Variants in DOCK3 observed in about 807,000 individuals in gnomAD.
DOCK3 encodes the protein dedicator of cytokinesis protein 3.
Under a neutral mutation model 265.6 loss-of-function variants are expected in DOCK3, and 60 were observed. That is an observed-to-expected ratio of 0.23 (90% CI 0.18 to 0.28). The LOEUF (loss-of-function observed/expected upper bound fraction) is 0.28, where lower values mean the gene tolerates loss of function less well. DOCK3 is among the 10% of genes least tolerant of loss of function. The pLI is 1.00. For synonymous variants in DOCK3, 881 were observed against 938.0 expected (o/e 0.94, Z 1.11); for missense variants, 1,981 against 2,594.3 (o/e 0.76, Z 5.14).
intron 1 of DOCK3, 35 bp from the exon 2 acceptor site, chr3:50,778,640 A>T: frequency 1.3e-6 from 2 of 1,508,954 alleles, no homozygotes; most frequent in Non-Finnish European, 1.8e-6. Flanking sequence ...AGTGTTTAAA[A>T]ATGCTAATTG....
At chr3:50,858,432 AT>A (rs1559732317) in intron 3 of DOCK3, among the ~76,000 whole-genome samples, 10 of 121,582 alleles carry the variant, frequency 8.2e-5, no homozygotes, top group Middle Eastern at 3.8e-3. Context: ...TATAATAATA[AT>A]AATAATAATA....
At chr3:51,192,361 A>G (rs1303647001) in intron 12 of DOCK3, among the ~76,000 whole-genome samples, 1 of 151,612 alleles carries the variant, frequency 6.6e-6, no homozygotes, top group Non-Finnish European at 1.5e-5. Context: ...GATCATCACC[A>G]CCCTGATAGC....
intron 27 of DOCK3, among the ~76,000 whole-genome samples, chr3:51,283,504 A>C (rs1367739247): frequency 1.3e-5 from 2 of 152,202 alleles, no homozygotes; most frequent in African/African-American, 4.8e-5. Context: ...AAGGGCTCCA[A>C]AAATGCAGCT....
chr3:50,789,350 A>G (rs2108591248), intron 2 of DOCK3, among the ~76,000 whole-genome samples: 1 of 152,216 alleles, frequency 6.6e-6, no homozygotes, highest in Middle Eastern at 3.4e-3. Flanking sequence ...TACTTGATGT[A>G]ATTTTGGTTT....
At chr3:50,751,446 A>G (rs966130298) in intron 1 of DOCK3, among the ~76,000 whole-genome samples, 1 of 152,068 alleles carries the variant, frequency 6.6e-6, no homozygotes, top group African/African-American at 2.4e-5. Flanking sequence ...GACAGGCCTC[A>G]GTGTGTGATG....
intron 5 of DOCK3, among the ~76,000 whole-genome samples, chr3:50,952,025 AGTGGTGGGTTGACTG>A (rs1210191863): frequency 6.6e-6 from 1 of 152,178 alleles, no homozygotes; most frequent in Non-Finnish European, 1.5e-5. Flanking sequence ...TCAGACAAAC[AGTGGTGGGTTGACTG>A]GGTAGCTTTA....
chr3:51,103,421 G>A (rs552620942), intron 9 of DOCK3, among the ~76,000 whole-genome samples: 4 of 152,242 alleles, frequency 2.6e-5, no homozygotes, highest in South Asian at 2.1e-4. Flanking sequence ...CCTTATTGTC[G>A]TCCTGTTTAT....
chr3:50,980,374 G>T (rs150383071), intron 5 of DOCK3, among the ~76,000 whole-genome samples: 5 of 152,206 alleles, frequency 3.3e-5, no homozygotes, highest in African/African-American at 1.2e-4. Flanking sequence ...TTTTGTTGAG[G>T]ATTTTTGTGT....
chr3:51,331,040 C>T (rs1197772318), intron 33 of DOCK3, among the ~76,000 whole-genome samples: 1 of 152,172 alleles, frequency 6.6e-6, no homozygotes, highest in East Asian at 1.9e-4. Context: ...GCATTTCTTA[C>T]CTTATTTGAT....
chr3:50,880,227 G>A (rs192412355), intron 3 of DOCK3, among the ~76,000 whole-genome samples: 69 of 152,256 alleles, frequency 4.5e-4, no homozygotes, highest in African/African-American at 1.6e-3. Context: ...AAGAACTAGA[G>A]AAGCAAGAGC....
At position 51,381,626 on chromosome 3, in the gene DOCK3, G is replaced by GC; in HGVS notation, c.*68dup. On this transcript the variant is annotated 3_prime_UTR_variant, in exon 53 of 53. Coordinates refer to ENST00000266037, the MANE Select transcript of DOCK3 (RefSeq NM_004947.5). The surrounding 1 kb of genome is among the most constrained non-coding windows in gnomAD (Gnocchi z 5.6). Reference sequence around the variant, plus strand: ...TTGCCAATCACTCCAGGTCTGAAAAGCAAGTCCCCCAGCCCCACCCCAGGG... The same window carrying GC: ...TTGCCAATCACTCCAGGTCTGAAAAGCCAAGTCCCCCAGCCCCACCCCAGGG... The GC allele has an allele frequency of 7.0e-7, 1 of 1,437,854 alleles. No individual in the cohort carries two copies. The highest frequency in any genetic ancestry group is 2.5e-5 in the East Asian group (1 of 40,154). 89.1% of individuals were successfully genotyped at this position (1,437,854 alleles called of 1,614,324 possible). A position where few individuals can be genotyped will look rare whatever the true frequency, so the allele number is the denominator to read the frequency against.
intron 9 of DOCK3, among the ~76,000 whole-genome samples, chr3:51,135,944 A>C (rs1390112202): frequency 1.3e-5 from 2 of 152,146 alleles, no homozygotes; most frequent in Non-Finnish European, 1.5e-5. Flanking sequence ...TCCTGGGCTC[A>C]AGTGATCCTC....
rs751408245 is a variant in DOCK3 at position 51,198,672 on chromosome 3, C to T, written c.1038-10102C>T. ...GTGCATTTCTGTGGGTTTGAAAACC[C>T]GCTTGCTCTTTATACGAATTCAAAC... On this transcript the variant is annotated intron_variant, in intron 12 of 52. Coordinates refer to ENST00000266037, the MANE Select transcript of DOCK3 (RefSeq NM_004947.5). Among the ~76,000 whole-genome samples the T allele has an allele frequency of 3.3e-5, 5 of 151,756 alleles. No individual in the cohort carries two copies. In the South Asian group the frequency reaches 1.0e-3, roughly 32 times the overall value.
chr3:51,236,521 C>A (rs1276408849), intron 20 of DOCK3, 93 bp downstream of exon 20: 1 of 1,129,144 alleles, frequency 8.9e-7, no homozygotes, highest in Non-Finnish European at 1.3e-6. Context: ...AGTGAATCAG[C>A]ACAAGATATA....
chr3:51,267,530 G>A (rs772248977), intron 23 of DOCK3, among the ~76,000 whole-genome samples: 143 of 151,934 alleles, frequency 9.4e-4, no homozygotes, highest in Middle Eastern at 6.8e-3. Flanking sequence ...GATTACAGGC[G>A]CATGCCACCA....
chr3:50,939,153 T>C (rs1018156795), intron 5 of DOCK3, among the ~76,000 whole-genome samples: 4 of 152,038 alleles, frequency 2.6e-5, no homozygotes, highest in African/African-American at 9.7e-5. Flanking sequence ...TAAACAACTT[T>C]ACATACATGA....
In DOCK3 at chr3:51,382,603, GT is replaced by G. The variant is rs1553619300; in HGVS notation, c.*1045del. The G allele has an allele frequency of 6.5e-6, 1 of 152,676 alleles. No individual in the cohort carries two copies. The highest frequency in any genetic ancestry group is 1.5e-5 in the Non-Finnish European group (1 of 68,080). 9.5% of individuals were successfully genotyped at this position (152,676 alleles called of 1,614,324 possible). ...CCAGGCTTCCAGGCCCTGAGGACAT[GT>G]GGTCAGGTTCAGCAGGCTCCTGGGT... is the stretch of plus-strand genomic sequence containing the variant. On this transcript the variant is annotated 3_prime_UTR_variant, in exon 53 of 53. Transcript: ENST00000266037.
chr3:51,199,989 AAAACTAAC>A (rs2088610447), intron 12 of DOCK3, among the ~76,000 whole-genome samples: 1 of 152,186 alleles, frequency 6.6e-6, no homozygotes. Flanking sequence ...TGTTAGAAGG[AAAACTAAC>A]AAACAGAAAG....
At chr3:51,159,124 C>A in intron 10 of DOCK3, 120 bp from the exon 11 acceptor site, 1 of 825,534 alleles carries the variant, frequency 1.2e-6, no homozygotes, top group Non-Finnish European at 2.0e-6. Flanking sequence ...GTGCTATATG[C>A]TGTAATCTCC....
Sources: gnomAD v4.1 joint callset for allele counts (sites outside exome capture counted in the v4.1 genomes callset) on GRCh38, gnomAD v4.1.1 for gene constraint, Gnocchi (gnomAD v3.1) non-coding constraint, MANE v1.5 for transcripts, NCBI Gene and HGNC (gene_info 2026-07-23, HGNC 2026-07-21) for gene names.